Variants in PLP1 observed in about 807,000 individuals in gnomAD.
PLP1 encodes myelin proteolipid protein.
In PLP1, 2 loss-of-function variants were observed where a neutral mutation model predicts 18.5. The ratio of observed to expected loss-of-function variants is 0.11; its 90% CI spans 0.04 to 0.34. The LOEUF (loss-of-function observed/expected upper bound fraction) is 0.34. Ranked by LOEUF, PLP1 falls within the 10% of genes least tolerant of loss-of-function variation. The pLI, the probability that PLP1 is intolerant of heterozygous loss-of-function variation, is 1.00. For missense variants in PLP1, 105 were observed against 207.3 expected (o/e 0.51, Z 3.03); for synonymous variants, 86 against 83.2 (o/e 1.03, Z -0.19).
upstream of PLP1, chrX:103,776,817 G>A: frequency 2.0e-6 from 1 of 493,163 alleles, no homozygotes; most frequent in Non-Finnish European, 3.5e-6. Flanking sequence ...CCTTTAAGGG[G>A]GTTGGCTGTC....
At chrX:103,786,866 C>T in intron 3 of PLP1, 140 bp downstream of exon 3, 2 of 654,244 alleles carry the variant, frequency 3.1e-6, no homozygotes, top group Non-Finnish European at 4.9e-6. Context: ...TGCAGCCGAA[C>T]GAGAAGGTCA....
intron 1 of PLP1, among the ~76,000 whole-genome samples, chrX:103,781,520 T>C (rs1487928039): frequency 8.9e-6 from 1 of 112,276 alleles, no homozygotes; most frequent in Admixed American, 9.4e-5. Flanking sequence ...TGCTTATAGG[T>C]AGCTTTAGAT....
At chrX:103,777,598 G>A (rs750465879) in intron 1 of PLP1, among the ~76,000 whole-genome samples, 6 of 112,117 alleles carry the variant, frequency 5.4e-5, no homozygotes, top group Admixed American at 9.5e-5. Flanking sequence ...ATATGTGCAT[G>A]TGTGTGCACA....
chrX:103,786,152 G>A (rs937659688), intron 2 of PLP1: 9 of 1,108,228 alleles, frequency 8.1e-6, no homozygotes, highest in South Asian at 5.8e-5. Flanking sequence ...CTTTCTTCTT[G>A]TCTAGCTCCC....
chrX:103,786,920 G>A (rs907851682), intron 3 of PLP1, 194 bp downstream of exon 3: 3 of 459,902 alleles, frequency 6.5e-6, no homozygotes, highest in African/African-American at 2.4e-5. Flanking sequence ...CCTTTCAAAG[G>A]TTCCCTAAGC....
chrX:103,778,034 C>T lies in PLP1; in HGVS notation c.4+1035C>T, dbSNP rs140707701. ...GTTTCATCATGAAACACAGAGAGAA[C>T]ACTTTGAAGCATGTGTTCAGGTAAA... On this transcript the variant is annotated intron_variant, in intron 1 of 6. Transcript: ENST00000621218. 5.2e-3 allele frequency among the ~76,000 whole-genome samples: 579 copies of T among 111,870 alleles called. 7 individuals are homozygous for T. Among genetic ancestry groups the T allele is most frequent in the African/African-American group, 0.018 (561 of 30,750 alleles).
At chrX:103,777,115 T>C in intron 1 of PLP1, 116 bp downstream of exon 1, 3 of 618,269 alleles carry the variant, frequency 4.9e-6, no homozygotes, top group East Asian at 3.5e-5. Context: ...TTTTGGCACT[T>C]GTTTTCTTTT....
chrX:103,781,783 T>C (rs1045409014), intron 1 of PLP1, among the ~76,000 whole-genome samples: 8 of 112,355 alleles, frequency 7.1e-5, no homozygotes, highest in Admixed American at 9.4e-5. Context: ...GTTATTACTA[T>C]ATGGTTCTTT....
intron 6 of PLP1, among the ~76,000 whole-genome samples, chrX:103,790,195 C>T (rs2074533149): frequency 1.8e-5 from 2 of 112,244 alleles, no homozygotes; most frequent in Admixed American, 1.9e-4. Flanking sequence ...GACTCTAAGT[C>T]ACTCGGACAT....
At chrX:103,789,268 G>A (rs2074524486) in intron 5 of PLP1, 65 bp from the exon 6 acceptor site, 1 of 788,280 alleles carries the variant, frequency 1.3e-6, no homozygotes, top group Admixed American at 2.2e-5. Context: ...CTGTATTCAT[G>A]ATTTACAGTG....
rs771695859 is a variant in PLP1, at chrX:103,788,452, A to G, written c.638A>G (p.Asn213Ser). ...TCTTACTTAGGTGTTCTCCCATGGA[A>G]TGCTTTCCCTGGCAAGGTTTGTGGC... is the stretch of plus-strand genomic sequence containing the variant. ...DARMYGVLPW[N>S]AFPGKVCGSN... The change falls in exon 5 of 7, where the codon AAT (asparagine) becomes AGT (serine). Residue 213 changes from asparagine to serine, a missense_variant. Physicochemically the swap from Asn to Ser is conservative, Grantham distance 46. Transcript: ENST00000621218. The G allele has an allele frequency of 3.3e-6, 4 of 1,208,682 alleles. No individual in the cohort carries two copies. In the South Asian group the frequency reaches 5.3e-5, roughly 16 times the overall value.
chrX:103,778,193 A>G (rs1033706473), intron 1 of PLP1, among the ~76,000 whole-genome samples: 4 of 112,377 alleles, frequency 3.6e-5, no homozygotes, highest in Non-Finnish European at 5.6e-5. Context: ...GACAGCAATA[A>G]CTACTTTGTC....
At chrX:103,777,460 C>G (rs778733164) in intron 1 of PLP1, among the ~76,000 whole-genome samples, 2 of 111,921 alleles carry the variant, frequency 1.8e-5, no homozygotes, top group Non-Finnish European at 3.8e-5. Context: ...AGCTGGGGAT[C>G]GGGCAAGCTG....
At chrX:103,786,975 T>C in intron 3 of PLP1, 1 of 420,354 alleles carries the variant, frequency 2.4e-6, no homozygotes, top group South Asian at 3.5e-5. Flanking sequence ...TGGGATGCTT[T>C]GTACAATCAG....
chrX:103,789,295 T>C, intron 5 of PLP1, 38 bp from the exon 6 acceptor site: 1 of 1,027,114 alleles, frequency 9.7e-7, no homozygotes, highest in Admixed American at 2.2e-5. Context: ...ATTACTGCTG[T>C]TGCAAGAAAC....
intron 1 of PLP1, among the ~76,000 whole-genome samples, chrX:103,782,291 A>G (rs751911083): frequency 1.7e-4 from 19 of 112,440 alleles, no homozygotes; most frequent in Admixed American, 1.1e-3. Flanking sequence ...TTTATTTCAG[A>G]CTTTACATTA....
chrX:103,784,822 T>C (rs946632828), intron 1 of PLP1, among the ~76,000 whole-genome samples: 1 of 112,001 alleles, frequency 8.9e-6, no homozygotes. Context: ...AAGACTCCCA[T>C]ATGGCAGAGT....
At chrX:103,779,580 G>T (rs999463646) in intron 1 of PLP1, among the ~76,000 whole-genome samples, 4 of 111,914 alleles carry the variant, frequency 3.6e-5, no homozygotes, top group Admixed American at 1.9e-4. Context: ...CCCTTTGGCC[G>T]TGCAGAGCCA....
chrX:103,782,958 C>T (rs899889363), intron 1 of PLP1, among the ~76,000 whole-genome samples: 2 of 112,244 alleles, frequency 1.8e-5, no homozygotes, highest in African/African-American at 6.5e-5. Context: ...CTTCTTCTCC[C>T]CCCATCCCCA....
Sources: allele counts gnomAD v4.1 joint callset (sites outside exome capture counted in the v4.1 genomes callset), GRCh38; gene constraint gnomAD v4.1.1; transcripts MANE v1.5; gene names NCBI Gene and HGNC (gene_info 2026-07-23, HGNC 2026-07-21).